Variants in LPP observed in about 807,000 individuals in gnomAD.
LPP encodes the protein LIM domain containing preferred translocation partner in lipoma.
LPP carries 38 observed loss-of-function variants against 60.4 expected under a neutral mutation model. The observed-to-expected ratio is 0.63, with a 90% CI of 0.49 to 0.83. The LOEUF is 0.83. Ranked by LOEUF, LPP falls within the 40% of genes least tolerant of loss-of-function variation. The pLI is 0.00. For missense variants in LPP, 902 were observed against 783.6 expected (o/e 1.15, Z -1.80); for synonymous variants, 328 against 290.8 (o/e 1.13, Z -1.30).
At chr3:188,469,837 T>TATGTGA (rs771483668) in intron 4 of LPP, among the ~76,000 whole-genome samples, 45 of 152,300 alleles carry the variant, frequency 3.0e-4, no homozygotes, top group South Asian at 8.3e-4. Flanking sequence ...AGAATGTGTT[T>TATGTGA]CTGGGCAAGT....
chr3:188,617,232 A>G (rs1845022499), intron 7 of LPP, among the ~76,000 whole-genome samples: 1 of 152,210 alleles, frequency 6.6e-6, no homozygotes, highest in African/African-American at 2.4e-5. Flanking sequence ...CATAAGTCTT[A>G]ACCCCTTACA....
chr3:188,287,028 G>T (rs924084770), intron 2 of LPP, among the ~76,000 whole-genome samples: 4 of 152,112 alleles, frequency 2.6e-5, no homozygotes, highest in Admixed American at 1.3e-4. Context: ...AGCCTCCCAA[G>T]TAGCTGGGAT....
rs139181279 is a variant in LPP at position 188,609,386 on chromosome 3, C to T, written c.655C>T (p.Pro219Ser). Residue 219 changes from proline (P) to serine (S), a missense_variant, in exon 7 of 12, where the codon CCT becomes TCT. Physicochemically the swap from Pro to Ser is moderately conservative, Grantham distance 74. Transcript: ENST00000617246. This position sits in a 1 kb window ranked among gnomAD's most constrained non-coding sequence, Gnocchi z 6.9. ...CACCACGGCCTCCACTTCTTCAAGG[C>T]CTACCTTTAATGTGCAGGTGAAGTC... ...SYTTASTSSR[P>S]TFNVQVKSAQ... 2.2e-5 allele frequency: 36 copies of T among 1,614,160 alleles called. No individual in the cohort carries two copies. The Middle Eastern group carries it at 1.3e-3, about 59-fold the overall frequency.
chr3:188,550,106 C>T (rs143344377), intron 6 of LPP, among the ~76,000 whole-genome samples: 342 of 152,206 alleles, frequency 2.2e-3, no homozygotes, highest in African/African-American at 6.2e-3. Flanking sequence ...TGTATTAATG[C>T]GACCAAAATA....
chr3:188,641,114 C>T (rs554351938), intron 7 of LPP, among the ~76,000 whole-genome samples: 1 of 152,334 alleles, frequency 6.6e-6, no homozygotes, highest in Admixed American at 6.5e-5. Context: ...TAAGGCTCCA[C>T]ATTTCTGATT....
chr3:188,872,561 T>C, intron 10 of LPP, 82 bp from the exon 11 acceptor site: 1 of 1,522,926 alleles, frequency 6.6e-7, no homozygotes, highest in Non-Finnish European at 9.1e-7. Context: ...CGACTCTCAG[T>C]TTCCACCTCT....
chr3:188,611,608 C>G (rs570789231), intron 7 of LPP, among the ~76,000 whole-genome samples: 1 of 152,230 alleles, frequency 6.6e-6, no homozygotes, highest in South Asian at 2.1e-4. Context: ...ACAATTTAGC[C>G]CTGCCCAAAA....
intron 7 of LPP, among the ~76,000 whole-genome samples, chr3:188,661,599 T>G (rs1163367848): frequency 6.6e-6 from 1 of 152,208 alleles, no homozygotes; most frequent in Non-Finnish European, 1.5e-5. Context: ...TGGTGAGGTG[T>G]CTGTTCAGGT....
intron 6 of LPP, among the ~76,000 whole-genome samples, chr3:188,531,704 C>T (rs1455078952): frequency 6.6e-6 from 1 of 152,090 alleles, no homozygotes; most frequent in Non-Finnish European, 1.5e-5. Flanking sequence ...ATACCCAGGA[C>T]CCTTTTGGAT....
intron 1 of LPP, among the ~76,000 whole-genome samples, chr3:188,190,990 G>A (rs983142733): frequency 6.6e-6 from 1 of 152,228 alleles, no homozygotes; most frequent in African/African-American, 2.4e-5. Context: ...CCAGCACTTT[G>A]GGGGGCCGAG....
chr3:188,838,694 A>G (rs879513119), intron 9 of LPP, among the ~76,000 whole-genome samples: 10 of 152,216 alleles, frequency 6.6e-5, no homozygotes, highest in Non-Finnish European at 1.2e-4. Context: ...GGATGAGTTC[A>G]TGTCCTTTTC....
intron 3 of LPP, among the ~76,000 whole-genome samples, chr3:188,371,482 A>C (rs1263708130): frequency 6.6e-6 from 1 of 151,010 alleles, no homozygotes; most frequent in African/African-American, 2.4e-5. Flanking sequence ...AACTGTGGAC[A>C]TCTGGCAGGT....
At chr3:188,479,441 T>A (rs1804142677) in intron 4 of LPP, among the ~76,000 whole-genome samples, 1 of 152,188 alleles carries the variant, frequency 6.6e-6, no homozygotes, top group African/African-American at 2.4e-5. Context: ...TGATCTAGGT[T>A]CCCCGATGAT....
intron 3 of LPP, among the ~76,000 whole-genome samples, chr3:188,355,776 T>C (rs1767426219): frequency 6.6e-6 from 1 of 152,238 alleles, no homozygotes; most frequent in Admixed American, 6.5e-5. Flanking sequence ...TGTGACAGTT[T>C]GTTAATCATA....
chr3:188,198,497 G>T (rs1321487299), intron 1 of LPP, among the ~76,000 whole-genome samples: 1 of 152,156 alleles, frequency 6.6e-6, no homozygotes, highest in African/African-American at 2.4e-5. Context: ...GATAGACTTT[G>T]GTATCTGACA....
chr3:188,167,439 A>C (rs1326007148), intron 1 of LPP, among the ~76,000 whole-genome samples: 1 of 152,152 alleles, frequency 6.6e-6, no homozygotes. Flanking sequence ...CAGAGGTTGC[A>C]GTGAGCTGAG....
At chr3:188,677,627 T>C (rs758191840) in intron 7 of LPP, among the ~76,000 whole-genome samples, 30 of 152,170 alleles carry the variant, frequency 2.0e-4, no homozygotes, top group Admixed American at 6.5e-4. Context: ...TGCTGGGAAA[T>C]GGGAGAGGGG....
chr3:188,199,970 G>A (rs1483321093), intron 1 of LPP, among the ~76,000 whole-genome samples: 1 of 151,958 alleles, frequency 6.6e-6, no homozygotes, highest in Middle Eastern at 3.2e-3. Flanking sequence ...CCAAAGTGCT[G>A]GGATTACAGC....
intron 9 of LPP, among the ~76,000 whole-genome samples, chr3:188,798,371 A>G (rs4686995): frequency 0.63 from 96,416 of 151,984 alleles, 31,037 homozygotes; most frequent in East Asian, 0.9. Flanking sequence ...AAATTACCAC[A>G]TAATAGACAA....
Sources: gnomAD v4.1 joint callset for allele counts (sites outside exome capture counted in the v4.1 genomes callset) on GRCh38, gnomAD v4.1.1 for gene constraint, Gnocchi (gnomAD v3.1) non-coding constraint, MANE v1.5 for transcripts, NCBI Gene and HGNC (gene_info 2026-07-23, HGNC 2026-07-21) for gene names.